NTN1: variants seen among roughly 807,000 people sequenced by gnomAD.
The protein encoded by NTN1 is netrin-1.
A neutral mutation model predicts 54.2 loss-of-function variants in NTN1; 11 were observed. That is an observed-to-expected ratio of 0.20 (90% CI 0.13 to 0.34). The LOEUF is 0.34. Ranked by LOEUF, NTN1 falls within the 10% of genes least tolerant of loss-of-function variation. The pLI is 1.00. For missense variants in NTN1, 740 were observed against 893.1 expected (o/e 0.83, Z 2.18); for synonymous variants, 371 against 382.0 (o/e 0.97, Z 0.33).
In NTN1 at chr17:9,165,892, AC is replaced by A. The variant is rs1341521878; in HGVS notation, c.1207+2892del. 1.3e-5 allele frequency among the ~76,000 whole-genome samples: 2 copies of A among 151,814 alleles called. No homozygotes were observed. The highest frequency in any genetic ancestry group is 4.8e-5 in the African/African-American group (2 of 41,302). ...CTTCATGATTGGCAAGAAAATATCT[AC>A]TCTCTGATTGGTGAGCAAAAATTTG... On this transcript the variant is annotated intron_variant, in intron 3 of 6. Coordinates refer to ENST00000173229, the MANE Select transcript of NTN1 (RefSeq NM_004822.3). The surrounding 1 kb of genome is among the most constrained non-coding windows in gnomAD (Gnocchi z 4.5).
At chr17:9,238,372 C>CTGA (rs1906064489) in intron 6 of NTN1, among the ~76,000 whole-genome samples, 1 of 152,146 alleles carries the variant, frequency 6.6e-6, no homozygotes, top group South Asian at 2.1e-4. Context: ...GTGTTTCGCC[C>CTGA]AGTGAAGGCT....
At chr17:9,061,697 T>C (rs1314178862) in intron 2 of NTN1, among the ~76,000 whole-genome samples, 1 of 151,872 alleles carries the variant, frequency 6.6e-6, no homozygotes, top group African/African-American at 2.4e-5. Context: ...TGTTTTTGTT[T>C]TATTTTGTTT....
intron 2 of NTN1, among the ~76,000 whole-genome samples, chr17:9,104,669 T>C (rs2092160337): frequency 6.6e-6 from 1 of 152,192 alleles, no homozygotes; most frequent in Non-Finnish European, 1.5e-5. Flanking sequence ...GAAGCCGCTC[T>C]CTCTTGCTGG....
At chr17:9,097,896 T>C (rs1476575770) in intron 2 of NTN1, among the ~76,000 whole-genome samples, 1 of 152,056 alleles carries the variant, frequency 6.6e-6, no homozygotes, top group Non-Finnish European at 1.5e-5. Context: ...TGAACATCCA[T>C]GTAAATATAA....
At chr17:9,199,360 T>A (rs1187370616) in intron 5 of NTN1, among the ~76,000 whole-genome samples, 2 of 152,234 alleles carry the variant, frequency 1.3e-5, no homozygotes, top group Non-Finnish European at 2.9e-5. Context: ...CAGGCTGGTC[T>A]TGAAGTCCTG....
rs546544694 is a variant in NTN1, at chr17:9,214,165, C to A, written c.1412-7003C>A. Reference sequence around the variant, plus strand: ...TTTTGTTTTGCTCATTTTCTAGCTTCTAGAATTGAATGCATTTCATTTATT... The same window carrying A: ...TTTTGTTTTGCTCATTTTCTAGCTTATAGAATTGAATGCATTTCATTTATT... On this transcript the variant is annotated intron_variant, in intron 5 of 6. Coordinates refer to ENST00000173229, the MANE Select transcript of NTN1 (RefSeq NM_004822.3). Among the ~76,000 whole-genome samples, 31 of 152,174 alleles carry A rather than the reference C, an allele frequency of 2.0e-4. 1 individual carries two copies. The highest frequency in any genetic ancestry group is 3.4e-3 in the Middle Eastern group (1 of 294).
rs1040517189 is a variant in NTN1 at position 9,102,092 on chromosome 17, G to A, written c.1019-60721G>A. Among the ~76,000 whole-genome samples, 4 of 152,376 alleles carry A rather than the reference G, an allele frequency of 2.6e-5. No individual in the cohort carries two copies. The East Asian group carries it at 7.7e-4, about 29-fold the overall frequency. On this transcript the variant is annotated intron_variant, in intron 2 of 6. Coordinates refer to ENST00000173229, the MANE Select transcript of NTN1 (RefSeq NM_004822.3). ...ATTAGAGCCACAAGGCACTATCAGA[G>A]TGCCTAAAATGGGAAAAGACAAAGA... is the stretch of plus-strand genomic sequence containing the variant.
chr17:9,222,913 T>TA (rs1380575605), intron 6 of NTN1, among the ~76,000 whole-genome samples: 1 of 152,190 alleles, frequency 6.6e-6, no homozygotes, highest in Non-Finnish European at 1.5e-5. Flanking sequence ...AGAGAGTTCA[T>TA]ACGCACACTC....
chr17:9,206,793 C>T (rs1396884308), intron 5 of NTN1, among the ~76,000 whole-genome samples: 1 of 152,228 alleles, frequency 6.6e-6, no homozygotes, highest in African/African-American at 2.4e-5. Context: ...AAAGTCCAAA[C>T]AAAACACCAA....
chr17:9,104,857 C>G (rs12947025), intron 2 of NTN1, among the ~76,000 whole-genome samples: 1 of 152,198 alleles, frequency 6.6e-6, no homozygotes, highest in East Asian at 1.9e-4. Flanking sequence ...TGGCCACAGT[C>G]CTGACCTGAC....
chr17:9,150,412 A>G (rs966017749), intron 2 of NTN1, among the ~76,000 whole-genome samples: 57 of 152,284 alleles, frequency 3.7e-4, no homozygotes, highest in African/African-American at 1.4e-3. Context: ...GGAGGTGGAG[A>G]AGGCGTAGAG....
chr17:9,239,780 G>A lies in NTN1; in HGVS notation c.1627G>A (p.Ala543Thr), dbSNP rs940885304. ...CCTGTGGATCCGCTCGCGGGACATC[G>A]CCTGCAAGTGTCCCAAAATCAAGCC... ...QSLWIRSRDI[A>T]CKCPKIKPLK... is the part of the protein sequence containing the mutation. Residue 543 changes from alanine (A) to threonine (T), a missense_variant, in exon 7 of 7, where the codon GCC (alanine) becomes ACC (threonine). Ala to Thr is a moderately conservative substitution (Grantham distance 58). Transcript: ENST00000173229. The surrounding 1 kb of genome is among the most constrained non-coding windows in gnomAD (Gnocchi z 5.2). The A allele has an allele frequency of 1.9e-6, 3 of 1,613,638 alleles. No individual in the cohort carries two copies. Among genetic ancestry groups the A allele is most frequent in the African/African-American group, 2.7e-5 (2 of 74,926 alleles).
chr17:9,063,017 G>A (rs1168263183), intron 2 of NTN1, among the ~76,000 whole-genome samples: 1 of 151,730 alleles, frequency 6.6e-6, no homozygotes, highest in Non-Finnish European at 1.5e-5. Context: ...CCAGAGATGA[G>A]ACTATCTTTT....
At chr17:9,149,378 T>C (rs1334357801) in intron 2 of NTN1, among the ~76,000 whole-genome samples, 1 of 152,128 alleles carries the variant, frequency 6.6e-6, no homozygotes, top group Non-Finnish European at 1.5e-5. Flanking sequence ...GGGAGAACTT[T>C]GCTCAGACAA....
chr17:9,204,491 C>T lies in NTN1; in HGVS notation c.1412-16677C>T, dbSNP rs900231179. Among the ~76,000 whole-genome samples, 9 of 152,096 alleles carry T rather than the reference C, an allele frequency of 5.9e-5. No homozygotes were observed. In the East Asian group the frequency reaches 1.5e-3, roughly 26 times the overall value. ...GTATTTTTTAGTAGAGACAGGGTTTCGCCACACTGGCCAGGCTGGTCTCGA... is the reference window on the plus strand; with the variant it reads ...GTATTTTTTAGTAGAGACAGGGTTTTGCCACACTGGCCAGGCTGGTCTCGA... On this transcript the variant is annotated intron_variant, in intron 5 of 6. Coordinates refer to ENST00000173229, the MANE Select transcript of NTN1 (RefSeq NM_004822.3).
At chr17:9,024,307 G>GA (rs1409714947) in intron 2 of NTN1, among the ~76,000 whole-genome samples, 2 of 151,626 alleles carry the variant, frequency 1.3e-5, no homozygotes, top group African/African-American at 4.8e-5. Flanking sequence ...CCCATAAAAA[G>GA]AAAAAAAGGG....
At chr17:9,149,015 C>T (rs1362060142) in intron 2 of NTN1, among the ~76,000 whole-genome samples, 1 of 152,126 alleles carries the variant, frequency 6.6e-6, no homozygotes, top group Non-Finnish European at 1.5e-5. Flanking sequence ...ACAGAATCAA[C>T]TGCAAGTCAT....
chr17:9,112,658 T>C (rs892456654), intron 2 of NTN1, among the ~76,000 whole-genome samples: 30 of 151,108 alleles, frequency 2.0e-4, no homozygotes, highest in Non-Finnish European at 4.0e-4. Context: ...ACCCCGTCTT[T>C]ACTAAAAATA....
intron 2 of NTN1, among the ~76,000 whole-genome samples, chr17:9,030,529 G>C (rs981809509): frequency 6.6e-6 from 1 of 152,094 alleles, no homozygotes; most frequent in Non-Finnish European, 1.5e-5. Flanking sequence ...GGGGGATCAC[G>C]AGGTCAGGAG....
Sources: gnomAD v4.1 joint callset for allele counts (sites outside exome capture counted in the v4.1 genomes callset) on GRCh38, gnomAD v4.1.1 for gene constraint, Gnocchi (gnomAD v3.1) non-coding constraint, MANE v1.5 for transcripts, NCBI Gene and HGNC (gene_info 2026-07-23, HGNC 2026-07-21) for gene names.